FSTL5: variants seen among roughly 807,000 people sequenced by gnomAD.
The protein encoded by FSTL5 is follistatin-related protein 5.
In FSTL5, 62 loss-of-function variants were observed where a neutral mutation model predicts 89.1. That is an observed-to-expected ratio of 0.70 (90% confidence interval 0.57 to 0.86). The LOEUF (loss-of-function observed/expected upper bound fraction) is 0.86, where lower values mean the gene tolerates loss of function less well. Ranked by LOEUF, FSTL5 falls within the 40% of genes least tolerant of loss-of-function variation. FSTL5 has a pLI of 0.00. For synonymous variants in FSTL5, 383 were observed against 346.2 expected (o/e 1.11, Z -1.18); for missense variants, 1,057 against 1,001.6 (o/e 1.06, Z -0.75).
chr4:161,581,004 T>C (rs1341523198), intron 8 of FSTL5, among the ~76,000 whole-genome samples: 2 of 152,006 alleles, frequency 1.3e-5, no homozygotes, highest in Non-Finnish European at 2.9e-5. Flanking sequence ...AAATGATACA[T>C]GGCCAATACC....
chr4:161,661,510 G>C (rs1736710054), intron 6 of FSTL5, among the ~76,000 whole-genome samples: 1 of 152,048 alleles, frequency 6.6e-6, no homozygotes, highest in Non-Finnish European at 1.5e-5. Context: ...CTTAGAAACT[G>C]TAAATGGAAT....
intron 6 of FSTL5, among the ~76,000 whole-genome samples, chr4:161,696,753 G>C (rs1276645145): frequency 6.6e-6 from 1 of 152,090 alleles, no homozygotes; most frequent in Non-Finnish European, 1.5e-5. Flanking sequence ...TCTCAGCTTG[G>C]TTGCTGTTGG....
intron 2 of FSTL5, among the ~76,000 whole-genome samples, chr4:162,070,387 G>C (rs1729566182): frequency 1.3e-5 from 2 of 151,374 alleles, no homozygotes; most frequent in South Asian, 2.1e-4. Flanking sequence ...GTCTATTTTT[G>C]TCTGTTCATC....
At chr4:162,049,171 TC>T (rs1226342441) in intron 2 of FSTL5, among the ~76,000 whole-genome samples, 1 of 152,052 alleles carries the variant, frequency 6.6e-6, no homozygotes, top group Non-Finnish European at 1.5e-5. Context: ...AGATAAAAGA[TC>T]TTCACAAGTA....
intron 5 of FSTL5, among the ~76,000 whole-genome samples, chr4:161,764,260 T>G (rs1740909861): frequency 6.6e-6 from 1 of 152,216 alleles, no homozygotes. Context: ...GATGTATTTT[T>G]GTTGTTATTG....
intron 15 of FSTL5, among the ~76,000 whole-genome samples, chr4:161,424,182 C>T (rs931566681): frequency 2.6e-5 from 4 of 151,576 alleles, no homozygotes; most frequent in African/African-American, 7.3e-5. Context: ...CAGCCCTTTC[C>T]TAGTATTTTA....
At chr4:161,466,919 A>G (rs1467296856) in intron 13 of FSTL5, among the ~76,000 whole-genome samples, 2 of 152,158 alleles carry the variant, frequency 1.3e-5, no homozygotes, top group Middle Eastern at 3.4e-3. Context: ...TCTCATTTTA[A>G]TAATAATATG....
rs114819113 is a variant in FSTL5 at position 161,405,023 on chromosome 4, G to T, written c.1842-18574C>A. 6.0e-3 allele frequency among the ~76,000 whole-genome samples: 914 copies of T among 152,232 alleles called. 7 individuals are homozygous for T. Among genetic ancestry groups the T allele is most frequent in the African/African-American group, 0.02 (846 of 41,538 alleles). On this transcript the variant is annotated intron_variant, in intron 15 of 15. Transcript: ENST00000306100. ...AGGTGAGTAGATCACCTGTGGTCAA[G>T]AGTTCGAGACCAACCTGACCAACAT...
chr4:161,401,919 T>G (rs2110908262), intron 15 of FSTL5, among the ~76,000 whole-genome samples: 1 of 152,324 alleles, frequency 6.6e-6, no homozygotes, highest in South Asian at 2.1e-4. Context: ...AAATATGTAA[T>G]TAATGCTAAT....
At chr4:161,579,639 C>T (rs993420607) in intron 8 of FSTL5, among the ~76,000 whole-genome samples, 1 of 151,430 alleles carries the variant, frequency 6.6e-6, no homozygotes, top group East Asian at 1.9e-4. Flanking sequence ...ATTGCTTGAA[C>T]CTGGGAGGCA....
chr4:161,985,335 G>C (rs1481409798), intron 3 of FSTL5, among the ~76,000 whole-genome samples: 2 of 152,006 alleles, frequency 1.3e-5, no homozygotes, highest in African/African-American at 4.8e-5. Context: ...AAATATGTTA[G>C]TTATATCATA....
At chr4:161,936,622 C>T (rs1232606455) in intron 3 of FSTL5, among the ~76,000 whole-genome samples, 1 of 152,094 alleles carries the variant, frequency 6.6e-6, no homozygotes, top group Non-Finnish European at 1.5e-5. Flanking sequence ...ATGAAAATGA[C>T]AGTGATTACT....
chr4:161,949,550 A>AT (rs925708365), intron 3 of FSTL5, among the ~76,000 whole-genome samples: 1 of 151,740 alleles, frequency 6.6e-6, no homozygotes, highest in Non-Finnish European at 1.5e-5. Flanking sequence ...TATGTCTTCA[A>AT]TTTTTTTCTG....
At chr4:162,138,175 T>C (rs763087376) in intron 1 of FSTL5, among the ~76,000 whole-genome samples, 1 of 152,186 alleles carries the variant, frequency 6.6e-6, no homozygotes, top group Non-Finnish European at 1.5e-5. Flanking sequence ...AGAAGCCTTC[T>C]TGCTCTTCAA....
chr4:161,612,070 A>C (rs962715832), intron 7 of FSTL5, among the ~76,000 whole-genome samples: 1 of 152,254 alleles, frequency 6.6e-6, no homozygotes, highest in African/African-American at 2.4e-5. Context: ...AAGCCAAGAG[A>C]GAAAAGAGTT....
chr4:162,050,354 T>C (rs554305925), intron 2 of FSTL5, among the ~76,000 whole-genome samples: 1 of 151,502 alleles, frequency 6.6e-6, no homozygotes, highest in South Asian at 2.1e-4. Flanking sequence ...GACAACTGAA[T>C]ATTTTAAAAT....
Position 161,739,734 on chromosome 4 carries a change from G to A in FSTL5, c.727+19677C>T, listed in dbSNP as rs576885711. On this transcript the variant is annotated intron_variant, in intron 6 of 15. Transcript: ENST00000306100. ...TCCAGTGAAATGTGAAAGGAGGGGAGGAATGGCAGTAGAACAAAATATGTA... is the reference window on the plus strand; with the variant it reads ...TCCAGTGAAATGTGAAAGGAGGGGAAGAATGGCAGTAGAACAAAATATGTA... Among the ~76,000 whole-genome samples the A allele has an allele frequency of 3.3e-5, 5 of 152,090 alleles. No individual in the cohort carries two copies. In the East Asian group the frequency reaches 9.7e-4, roughly 30 times the overall value.
chr4:161,768,457 T>C (rs1165745726), intron 5 of FSTL5, among the ~76,000 whole-genome samples: 1 of 151,918 alleles, frequency 6.6e-6, no homozygotes, highest in African/African-American at 2.4e-5. Context: ...AGTACAGAAA[T>C]TCGACTTGAG....
intron 6 of FSTL5, among the ~76,000 whole-genome samples, chr4:161,695,004 C>G (rs989139327): frequency 6.6e-6 from 1 of 151,842 alleles, no homozygotes; most frequent in Non-Finnish European, 1.5e-5. Flanking sequence ...TGTTTTCTCC[C>G]TTTAAATTCT....
Sources: gnomAD v4.1 joint callset for allele counts (sites outside exome capture counted in the v4.1 genomes callset) on GRCh38, gnomAD v4.1.1 for gene constraint, MANE v1.5 for transcripts, NCBI Gene and HGNC (gene_info 2026-07-23, HGNC 2026-07-21) for gene names.